Variants in GRIN2A observed in about 807,000 individuals in gnomAD.
GRIN2A encodes the protein glutamate ionotropic receptor NMDA type subunit 2A.
In GRIN2A, 22 loss-of-function variants were observed where a neutral mutation model predicts 113.4. The observed-to-expected ratio is 0.19, with a 90% CI of 0.14 to 0.28. The LOEUF (loss-of-function observed/expected upper bound fraction) is 0.28, where lower values mean the gene tolerates loss of function less well. GRIN2A is among the 10% of genes least tolerant of loss of function. The pLI is 1.00. For missense variants in GRIN2A, 1,502 were observed against 1,887.0 expected, an observed-to-expected ratio of 0.80 and a Z score of 3.78; for synonymous variants, 827 against 738.4, an observed-to-expected ratio of 1.12 and a Z score of -1.94.
intron 2 of GRIN2A, among the ~76,000 whole-genome samples, chr16:10,011,968 A>G (rs553382997): frequency 6.6e-6 from 1 of 152,340 alleles, no homozygotes; most frequent in East Asian, 1.9e-4. Flanking sequence ...AGCATAGATA[A>G]GAGGTCCTCA....
At chr16:10,040,627 C>T (rs745390064) in intron 2 of GRIN2A, among the ~76,000 whole-genome samples, 6 of 151,722 alleles carry the variant, frequency 4.0e-5, no homozygotes, top group Non-Finnish European at 7.4e-5. Flanking sequence ...ACTACGCACA[C>T]ATAAATACAC....
intron 7 of GRIN2A, among the ~76,000 whole-genome samples, chr16:9,836,997 C>T (rs2042593374): frequency 6.6e-6 from 1 of 152,174 alleles, no homozygotes; most frequent in Non-Finnish European, 1.5e-5. Flanking sequence ...CATTTTTACA[C>T]AAAAGCTTAG....
Position 9,764,691 on chromosome 16 carries a change from C to A in GRIN2A, c.2853G>T (p.Gly951=). The part of the protein sequence containing the change: ...LMYSDNRSFQ[G]KESIFGDNMN... ...TGTTGTCTCCAAAAATGCTCTCTTT[C>A]CCCTGAAAGGACCTGTTGTCTGAGT... is the stretch of plus-strand genomic sequence containing the variant. Residue 951 remains glycine, a synonymous_variant, in exon 13 of 13, where the codon GGG becomes GGT. Coordinates refer to ENST00000330684, the MANE Select transcript of GRIN2A (RefSeq NM_001134407.3). 6.2e-7 allele frequency: 1 copy of A among 1,614,222 alleles called. No homozygotes were observed.
At chr16:10,164,705 C>T (rs1056987351) in intron 2 of GRIN2A, among the ~76,000 whole-genome samples, 1 of 152,218 alleles carries the variant, frequency 6.6e-6, no homozygotes, top group Non-Finnish European at 1.5e-5. Flanking sequence ...ATTCAAATTA[C>T]TCCACTGTAT....
chr16:10,035,503 C>A (rs1418295224), intron 2 of GRIN2A, among the ~76,000 whole-genome samples: 1 of 152,208 alleles, frequency 6.6e-6, no homozygotes, highest in Non-Finnish European at 1.5e-5. Context: ...CCTCAAGGCA[C>A]ATCTCATGTG....
At chr16:10,013,147 A>G (rs2046540989) in intron 2 of GRIN2A, among the ~76,000 whole-genome samples, 1 of 152,158 alleles carries the variant, frequency 6.6e-6, no homozygotes, top group Admixed American at 6.5e-5. Context: ...CCCCAAACCT[A>G]AAATAAAAGT....
intron 2 of GRIN2A, among the ~76,000 whole-genome samples, chr16:10,024,295 C>T (rs952973213): frequency 4.6e-5 from 7 of 152,238 alleles, no homozygotes; most frequent in African/African-American, 1.7e-4. Flanking sequence ...ACCATCTTGG[C>T]TCACTGCAGC....
chr16:10,140,668 C>T (rs1364172613), intron 2 of GRIN2A, among the ~76,000 whole-genome samples: 2 of 152,180 alleles, frequency 1.3e-5, no homozygotes, highest in Non-Finnish European at 2.9e-5. Context: ...CATGACCAGC[C>T]TGGTCAGTCA....
chr16:9,810,468 A>G (rs912687160), intron 10 of GRIN2A, among the ~76,000 whole-genome samples: 12 of 152,172 alleles, frequency 7.9e-5, no homozygotes, highest in African/African-American at 2.4e-4. Flanking sequence ...CTTTGCAGAT[A>G]TAATTGTTTA....
chr16:10,068,786 C>A (rs574753308), intron 2 of GRIN2A, among the ~76,000 whole-genome samples: 38 of 152,288 alleles, frequency 2.5e-4, no homozygotes, highest in South Asian at 2.1e-3. Flanking sequence ...AACACCCAAT[C>A]TAGGGTGATC....
rs2048120068 is a variant in GRIN2A, at chr16:10,088,335, C to G, written c.414+91663G>C. Among the ~76,000 whole-genome samples, 3 of 152,148 alleles carry G rather than the reference C, an allele frequency of 2.0e-5. No homozygotes were observed. The South Asian group carries it at 6.2e-4, about 32-fold the overall frequency. The stretch of plus-strand genomic sequence containing the variant: ...ACTGAGCACAAACAGGTAAAAATGC[C>G]ACAGTGCCACTTTCCATCCTGGACA... On this transcript the variant is annotated intron_variant, in intron 2 of 12. Coordinates refer to ENST00000330684, the MANE Select transcript of GRIN2A (RefSeq NM_001134407.3).
chr16:9,905,803 T>G (rs2141532890), intron 3 of GRIN2A, among the ~76,000 whole-genome samples: 1 of 152,304 alleles, frequency 6.6e-6, no homozygotes, highest in Non-Finnish European at 1.5e-5. Context: ...TTCTGTCTCC[T>G]AGGAATTTGA....
Position 9,807,823 on chromosome 16 carries a change from A to G in GRIN2A, c.2169-9359T>C, listed in dbSNP as rs1293795400. On this transcript the variant is annotated intron_variant, in intron 10 of 12. Transcript: ENST00000330684. ...CTGCATACTTTGTGGAAAGTTGGGA[A>G]AGTCTAAATATTTCTCTAAGCCTTG... is the stretch of plus-strand genomic sequence containing the variant. 3.9e-5 allele frequency among the ~76,000 whole-genome samples: 6 copies of G among 152,172 alleles called. No individual in the cohort carries two copies. The East Asian group carries it at 9.6e-4, about 24-fold the overall frequency.
intron 3 of GRIN2A, among the ~76,000 whole-genome samples, chr16:9,928,037 G>A (rs35089339): frequency 0.045 from 6,905 of 152,270 alleles, 246 homozygotes; most frequent in Non-Finnish European, 0.061. Context: ...CAACTTTGAG[G>A]CCCATGTAGA....
intron 2 of GRIN2A, among the ~76,000 whole-genome samples, chr16:10,134,211 AAAAAAAT>A (rs1251497388): frequency 3.0e-5 from 4 of 132,656 alleles, no homozygotes; most frequent in Middle Eastern, 3.6e-3. Context: ...AAAAAAAAAA[AAAAAAAT>A]GGAGAGGAGA....
intron 11 of GRIN2A, among the ~76,000 whole-genome samples, chr16:9,769,863 GA>G (rs1240439353): frequency 1.3e-5 from 2 of 152,094 alleles, no homozygotes; most frequent in African/African-American, 2.4e-5. Context: ...TCTCTCTTTA[GA>G]ACATTCAGGA....
chr16:9,860,085 C>A (rs763625432), intron 4 of GRIN2A, among the ~76,000 whole-genome samples: 1 of 151,882 alleles, frequency 6.6e-6, no homozygotes, highest in Non-Finnish European at 1.5e-5. Flanking sequence ...ATGCCGGGAG[C>A]AGGCACAGGA....
rs1211198789 is a variant in GRIN2A at position 9,849,922 on chromosome 16, C to T, written c.1162G>A (p.Ala388Thr). 2.5e-6 allele frequency: 4 copies of T among 1,614,060 alleles called. No homozygotes were observed. The highest frequency in any genetic ancestry group is 1.7e-6 in the Non-Finnish European group (2 of 1,179,954). The change falls in exon 5 of 13, where the codon GCC (alanine) becomes ACC (threonine). Residue 388 changes from alanine to threonine, a missense_variant. Ala to Thr is a moderately conservative substitution (Grantham distance 58). This residue lies in a region of GRIN2A where 334 missense variants were observed against 403.0 expected (regional missense o/e 0.83). Coordinates refer to ENST00000330684, the MANE Select transcript of GRIN2A (RefSeq NM_001134407.3). ...AAGGACTTGTACCTGGGCCACACGG[C>T]GTGCCTCAGGCTCAGCGTATGGTTC... ...WENHTLSLRH[A>T]VWPRYKSFSD...
At position 10,033,116 on chromosome 16, in the gene GRIN2A, G is replaced by A. The variant is rs2046960058; in HGVS notation, c.415-94565C>T. Among the ~76,000 whole-genome samples the A allele has an allele frequency of 2.0e-5, 3 of 152,266 alleles. No homozygotes were observed. The South Asian group carries it at 6.2e-4, about 32-fold the overall frequency. On this transcript the variant is annotated intron_variant, in intron 2 of 12. Transcript: ENST00000330684. ...GTGAATTTCTGTGACTTTCCCAGAT[G>A]CATGTATCTGACACCCCCACCTACC...
Sources: gnomAD v4.1 joint callset for allele counts (sites outside exome capture counted in the v4.1 genomes callset) on GRCh38, gnomAD v4.1.1 for gene constraint, gnomAD v4.1.1 regional missense constraint, MANE v1.5 for transcripts, NCBI Gene and HGNC (gene_info 2026-07-23, HGNC 2026-07-21) for gene names.